The following KALRN variants were observed in gnomAD, a reference collection of about 807,000 sequenced individuals.
KALRN encodes the protein kalirin.
KALRN carries 70 observed loss-of-function variants against 353.7 expected under a neutral mutation model. The observed-to-expected ratio is 0.20, with a 90% CI of 0.16 to 0.24. The LOEUF is 0.24. KALRN is among the 10% of genes least tolerant of loss of function. The pLI is 1.00. For missense variants in KALRN, 2,791 were observed against 3,756.7 expected, an observed-to-expected ratio of 0.74 and a Z score of 6.72; for synonymous variants, 1,391 against 1,434.8, an observed-to-expected ratio of 0.97 and a Z score of 0.69.
chr3:124,533,013 C>T (rs1389445928), intron 33 of KALRN, among the ~76,000 whole-genome samples: 2 of 147,148 alleles, frequency 1.4e-5, no homozygotes, highest in Non-Finnish European at 3.0e-5. Flanking sequence ...AAATAATAAC[C>T]TAATTATATA....
intron 1 of KALRN, among the ~76,000 whole-genome samples, chr3:124,092,851 G>A (rs2061201533): frequency 6.6e-6 from 1 of 152,180 alleles, no homozygotes; most frequent in South Asian, 2.1e-4. Context: ...CTTTGTGAAC[G>A]AAAAAGTACT....
At chr3:124,512,429 A>C (rs1420070149) in intron 33 of KALRN, among the ~76,000 whole-genome samples, 1 of 152,112 alleles carries the variant, frequency 6.6e-6, no homozygotes, top group East Asian at 1.9e-4. Context: ...AGGCGGGTGG[A>C]TCATGAGGTC....
chr3:124,117,667 A>G (rs2063579008), intron 1 of KALRN, among the ~76,000 whole-genome samples: 1 of 152,120 alleles, frequency 6.6e-6, no homozygotes, highest in Admixed American at 6.5e-5. Context: ...TTTAGAGTGA[A>G]TGGATGACTC....
At position 124,713,068 on chromosome 3, in the gene KALRN, C is replaced by T. The variant is rs755667727; in HGVS notation, c.8209C>T (p.His2737Tyr). Residue 2737 changes from histidine (H) to tyrosine (Y), a missense_variant, in exon 58 of 60, where the codon CAC (histidine) becomes TAC (tyrosine). This residue lies in a region of KALRN where 188 missense variants were observed against 402.9 expected (regional missense o/e 0.47). Coordinates refer to ENST00000682506, the MANE Select transcript of KALRN (RefSeq NM_001388419.1). ...HEAALLQHLQ[H>Y]PQYITLHDTY... is the part of the protein sequence containing the mutation. ...GGCTGCCCTGCTTCAGCACCTACAG[C>T]ACCCCCAGTACATCACTCTCCATGA... 6.2e-7 allele frequency: 1 copy of T among 1,614,032 alleles called. No homozygotes were observed.
chr3:124,699,286 T>G (rs1473300663), intron 55 of KALRN, among the ~76,000 whole-genome samples: 1 of 152,214 alleles, frequency 6.6e-6, no homozygotes, highest in East Asian at 1.9e-4. Context: ...CTAAGTTCTC[T>G]TGGGCAAATT....
At chr3:124,712,559 C>T (rs992097309) in intron 57 of KALRN, among the ~76,000 whole-genome samples, 21 of 148,470 alleles carry the variant, frequency 1.4e-4, no homozygotes, top group African/African-American at 5.2e-4. Context: ...TTTGGGAGGC[C>T]GAAGCAAGAG....
intron 1 of KALRN, among the ~76,000 whole-genome samples, chr3:124,106,004 G>C (rs2062270563): frequency 6.6e-6 from 1 of 152,180 alleles, no homozygotes; most frequent in Non-Finnish European, 1.5e-5. Context: ...CATGAATAAG[G>C]CATGAAATCT....
intron 9 of KALRN, among the ~76,000 whole-genome samples, chr3:124,341,619 CAGG>C (rs1049845897): frequency 2.6e-5 from 4 of 152,128 alleles, no homozygotes; most frequent in African/African-American, 7.2e-5. Context: ...GAGTGTAGAG[CAGG>C]AGATGTTCAC....
At position 124,571,291 on chromosome 3, in the gene KALRN, A is replaced by C. The variant is rs184942562; in HGVS notation, c.5182+8202A>C. On this transcript the variant is annotated intron_variant, in intron 34 of 59. Coordinates refer to ENST00000682506, the MANE Select transcript of KALRN (RefSeq NM_001388419.1). Reference sequence around the variant, plus strand: ...TAAATTCAACAATCCTGACTTGTTTAAAGTGATTGTTTGTGTTTATGGATT... The same window carrying C: ...TAAATTCAACAATCCTGACTTGTTTCAAGTGATTGTTTGTGTTTATGGATT... 4.0e-4 allele frequency among the ~76,000 whole-genome samples: 61 copies of C among 152,352 alleles called. 1 individual carries two copies. In the East Asian group the frequency reaches 6.5e-3, roughly 16 times the overall value.
rs1325993878 is a variant in KALRN at position 124,334,723 on chromosome 3, C to T, written c.1647+228C>T. Among the ~76,000 whole-genome samples the T allele has an allele frequency of 1.3e-5, 2 of 152,228 alleles. No homozygotes were observed. Among genetic ancestry groups the T allele is most frequent in the African/African-American group, 2.4e-5 (1 of 41,466 alleles). ...ACTGTATAGACTGGCCTTCTCACCA[C>T]GTGGTATTGTAAAGGGAGACTCAGT... On this transcript the variant is annotated intron_variant, in intron 9 of 59. Transcript: ENST00000682506. The surrounding 1 kb of genome is among the most constrained non-coding windows in gnomAD (Gnocchi z 4.2).
intron 10 of KALRN, among the ~76,000 whole-genome samples, chr3:124,375,124 G>T (rs2086409904): frequency 6.6e-6 from 1 of 152,142 alleles, no homozygotes. Context: ...AAGGGAGAGG[G>T]TGACCAGAGG....
chr3:124,101,783 C>A (rs891129793), intron 1 of KALRN, among the ~76,000 whole-genome samples: 1 of 152,150 alleles, frequency 6.6e-6, no homozygotes, highest in East Asian at 1.9e-4. Context: ...GCTATCTGCA[C>A]AGCTCTGGCC....
chr3:124,416,281 A>G (rs941720223), intron 14 of KALRN, among the ~76,000 whole-genome samples: 1 of 152,242 alleles, frequency 6.6e-6, no homozygotes, highest in African/African-American at 2.4e-5. Flanking sequence ...CCAAGTATCC[A>G]TAGTAACAGA....
intron 57 of KALRN, among the ~76,000 whole-genome samples, chr3:124,704,938 T>G (rs758485955): frequency 2.0e-5 from 3 of 152,238 alleles, no homozygotes; most frequent in Non-Finnish European, 4.4e-5. Flanking sequence ...TCATCACACC[T>G]AAATCTGGAA....
chr3:124,297,728 G>A lies in KALRN; in HGVS notation c.970-1063G>A, dbSNP rs924346231. ...AACTTAAACTGGCTTTAATAATAAAGAGGATTTCTTGGCTCAGGTCCAAGG... is the reference window on the plus strand; with the variant it reads ...AACTTAAACTGGCTTTAATAATAAAAAGGATTTCTTGGCTCAGGTCCAAGG... On this transcript the variant is annotated intron_variant, in intron 5 of 59. Transcript: ENST00000682506. 4.6e-5 allele frequency among the ~76,000 whole-genome samples: 7 copies of A among 152,334 alleles called. No homozygotes were observed. The South Asian group carries it at 1.5e-3, about 32-fold the overall frequency.
At chr3:124,275,317 C>T (rs554613303) in intron 5 of KALRN, among the ~76,000 whole-genome samples, 1 of 152,316 alleles carries the variant, frequency 6.6e-6, no homozygotes, top group African/African-American at 2.4e-5. Context: ...ACTTGCTCCA[C>T]TAAATAAATA....
intron 5 of KALRN, among the ~76,000 whole-genome samples, chr3:124,291,943 C>T (rs563747024): frequency 6.6e-6 from 1 of 152,330 alleles, no homozygotes; most frequent in South Asian, 2.1e-4. Context: ...CTGCCTCCCC[C>T]GTCTGTAGAT....
chr3:124,421,091 C>T (rs1033156180), intron 14 of KALRN, among the ~76,000 whole-genome samples: 3 of 152,152 alleles, frequency 2.0e-5, no homozygotes, highest in African/African-American at 7.2e-5. Context: ...CAGGACCAAA[C>T]CTGCATTGGG....
intron 21 of KALRN, among the ~76,000 whole-genome samples, chr3:124,449,433 T>C (rs2058561771): frequency 6.6e-6 from 1 of 152,216 alleles, no homozygotes; most frequent in African/African-American, 2.4e-5. Context: ...ATTAAAAGTA[T>C]AGAAATGGTA....
Sources: allele counts gnomAD v4.1 joint callset (sites outside exome capture counted in the v4.1 genomes callset), GRCh38; gene constraint gnomAD v4.1.1; regional missense constraint gnomAD v4.1.1; non-coding constraint Gnocchi (gnomAD v3.1); transcripts MANE v1.5; gene names NCBI Gene and HGNC (gene_info 2026-07-23, HGNC 2026-07-21).